Variants in HSPA12A observed in about 807,000 individuals in gnomAD.
HSPA12A encodes the protein heat shock 70 kDa protein 12A.
Under a neutral mutation model 69.2 loss-of-function variants are expected in HSPA12A, and 28 were observed. The observed-to-expected ratio is 0.40, with a 90% CI of 0.30 to 0.55. The LOEUF is 0.55. Among genes scored for constraint, HSPA12A ranks in the 20% least tolerant of loss-of-function variants. The pLI is 0.38. For missense variants in HSPA12A, 686 were observed against 900.7 expected, an observed-to-expected ratio of 0.76 and a Z score of 3.05; for synonymous variants, 345 against 370.5, an observed-to-expected ratio of 0.93 and a Z score of 0.79.
At chr10:116,707,555 A>C (rs868941161) in intron 1 of HSPA12A, among the ~76,000 whole-genome samples, 3 of 152,226 alleles carry the variant, frequency 2.0e-5, no homozygotes, top group African/African-American at 4.8e-5. Flanking sequence ...AACCCAGCTT[A>C]GTTGGAGATG....
intron 1 of HSPA12A, among the ~76,000 whole-genome samples, chr10:116,728,834 A>ACTCC (rs1851058977): frequency 6.6e-6 from 1 of 152,120 alleles, no homozygotes; most frequent in East Asian, 1.9e-4. Flanking sequence ...CATGAGTAAG[A>ACTCC]CTCCCTGATG....
At chr10:116,727,924 A>AT (rs56200126) in intron 1 of HSPA12A, among the ~76,000 whole-genome samples, 103,860 of 150,168 alleles carry the variant, frequency 0.69, 36,463 homozygotes, top group Middle Eastern at 0.87. Context: ...TGCCCGACTA[A>AT]TTTTTTTGGG....
At chr10:116,751,009 T>C (rs1271324742) in intron 2 of HSPA12A, among the ~76,000 whole-genome samples, 1 of 129,154 alleles carries the variant, frequency 7.7e-6, no homozygotes, top group Non-Finnish European at 1.6e-5. Flanking sequence ...AGGAAGAACA[T>C]GAAGAAGAAG....
At position 116,675,095 on chromosome 10, in the gene HSPA12A, T is replaced by G. The variant is rs782808781; in HGVS notation, c.1714A>C (p.Ile572Leu). 6.2e-7 allele frequency: 1 copy of G among 1,613,800 alleles called. No homozygotes were observed. The highest frequency in any genetic ancestry group is 1.3e-5 in the African/African-American group (1 of 74,860). Residue 572 changes from isoleucine (I) to leucine (L), a missense_variant, in exon 12 of 12, where the codon ATC becomes CTC. Transcript: ENST00000369209. The surrounding 1 kb of genome is among the most constrained non-coding windows in gnomAD (Gnocchi z 5.2). Reference sequence around the variant, plus strand: ...AGAGCCACAGACTGGTCGGCAGAGATGAACTTGTCAAAGACGTCGGTGCAC... The same window carrying G: ...AGAGCCACAGACTGGTCGGCAGAGAGGAACTTGTCAAAGACGTCGGTGCAC... ...RWCTDVFDKF[I>L]SADQSVALGE...
At chr10:116,763,677 C>A (rs1363075607) in intron 2 of HSPA12A, among the ~76,000 whole-genome samples, 5 of 152,144 alleles carry the variant, frequency 3.3e-5, no homozygotes, top group African/African-American at 1.2e-4. Flanking sequence ...CAGGCAGACA[C>A]AAAGGGGTCA....
intron 5 of HSPA12A, among the ~76,000 whole-genome samples, chr10:116,693,708 A>G (rs1469610453): frequency 1.3e-5 from 2 of 152,070 alleles, no homozygotes; most frequent in African/African-American, 4.8e-5. Flanking sequence ...GGTCTGGCCC[A>G]CCCTCTCTCT....
chr10:116,778,652 A>C (rs1554891417), intron 2 of HSPA12A, among the ~76,000 whole-genome samples: 1 of 152,216 alleles, frequency 6.6e-6, no homozygotes, highest in Admixed American at 6.5e-5. Context: ...TATAAATCCC[A>C]GCATGTTGGG....
At chr10:116,734,984 T>C (rs1225217193) in intron 1 of HSPA12A, among the ~76,000 whole-genome samples, 1 of 152,078 alleles carries the variant, frequency 6.6e-6, no homozygotes, top group Non-Finnish European at 1.5e-5. Flanking sequence ...AGAGCGAGAC[T>C]CCGTCTCGAA....
chr10:116,679,633 A>G lies in HSPA12A; in HGVS notation c.1156T>C (p.Phe386Leu), dbSNP rs1554878290. ...PAAWVDLMIA[F>L]ESRKRAAAPD... ...GCAGCCGCCCTTTTGCGAGACTCAA[A>G]CGCAATCATTAAGTCAACCCAGGCT... Residue 386 changes from phenylalanine (F) to leucine (L), a missense_variant, in exon 10 of 12, where the codon TTT becomes CTT. By Grantham distance (22) the Phe-to-Leu change is conservative. Coordinates refer to ENST00000369209, the MANE Select transcript of HSPA12A (RefSeq NM_025015.3). 6.2e-7 allele frequency: 1 copy of G among 1,614,206 alleles called. No individual in the cohort carries two copies. Among genetic ancestry groups the G allele is most frequent in the East Asian group, 2.2e-5 (1 of 44,878 alleles).
At chr10:116,703,218 A>G (rs1850131838) in intron 3 of HSPA12A, among the ~76,000 whole-genome samples, 1 of 152,206 alleles carries the variant, frequency 6.6e-6, no homozygotes, top group African/African-American at 2.4e-5. Flanking sequence ...TCCTGATGAC[A>G]TGACACCCAG....
intron 1 of HSPA12A, among the ~76,000 whole-genome samples, chr10:116,730,869 C>A (rs1030487972): frequency 4.6e-5 from 7 of 152,386 alleles, no homozygotes; most frequent in African/African-American, 1.4e-4. Context: ...GCCTAGGAAC[C>A]TGGCTATGAA....
intron 1 of HSPA12A, chr10:116,849,511 C>A: frequency 6.9e-7 from 1 of 1,451,352 alleles, no homozygotes; most frequent in Non-Finnish European, 9.1e-7. Context: ...CTAGCGACAG[C>A]AGGGACGCTC....
intron 2 of HSPA12A, chr10:116,830,137 T>G (rs532711825): frequency 6.6e-6 from 1 of 152,214 alleles, no homozygotes; most frequent in African/African-American, 2.4e-5. Context: ...AACACTATTC[T>G]AGCCAGGCAT....
In HSPA12A at chr10:116,802,261, C is replaced by T. The variant is rs542725177; in HGVS notation, c.91+32674G>A. On this transcript the variant is annotated intron_variant, in intron 2 of 12. Transcript: ENST00000635765. ...GACAATAATCAGTGAACATGAGCTG[C>T]CCAGGCCCGTGGACTCCTGTGCACT... is the stretch of plus-strand genomic sequence containing the variant. 3.3e-5 allele frequency among the ~76,000 whole-genome samples: 5 copies of T among 152,262 alleles called. No homozygotes were observed. In the East Asian group the frequency reaches 7.7e-4, roughly 24 times the overall value.
intron 2 of HSPA12A, among the ~76,000 whole-genome samples, chr10:116,772,314 C>T (rs1390948991): frequency 2.6e-5 from 4 of 152,072 alleles, no homozygotes; most frequent in African/African-American, 9.7e-5. Context: ...GACAGACCCC[C>T]AGAGCCCCAG....
intron 7 of HSPA12A, among the ~76,000 whole-genome samples, chr10:116,683,057 C>T (rs1444223133): frequency 2.6e-5 from 4 of 151,664 alleles, no homozygotes; most frequent in African/African-American, 9.7e-5. Flanking sequence ...GGCCCTCGTG[C>T]CTTTGAGATT....
intron 1 of HSPA12A, among the ~76,000 whole-genome samples, chr10:116,737,521 G>A (rs182006891): frequency 2.6e-5 from 4 of 152,176 alleles, no homozygotes; most frequent in Admixed American, 6.5e-5. Context: ...GATAAGGAGC[G>A]CAACCACATA....
At chr10:116,739,721 T>C (rs1428736924) in intron 1 of HSPA12A, among the ~76,000 whole-genome samples, 1 of 152,170 alleles carries the variant, frequency 6.6e-6, no homozygotes, top group Non-Finnish European at 1.5e-5. Context: ...CCCTCAAGTG[T>C]GGCCCTTCAG....
At chr10:116,702,230 C>T (rs1476034994) in intron 3 of HSPA12A, among the ~76,000 whole-genome samples, 2 of 152,132 alleles carry the variant, frequency 1.3e-5, no homozygotes, top group Non-Finnish European at 2.9e-5. Flanking sequence ...TGCAGAGAGG[C>T]CAGGGCCACC....
Sources: gnomAD v4.1 joint callset for allele counts (sites outside exome capture counted in the v4.1 genomes callset) on GRCh38, gnomAD v4.1.1 for gene constraint, Gnocchi (gnomAD v3.1) non-coding constraint, MANE v1.5 for transcripts, NCBI Gene and HGNC (gene_info 2026-07-23, HGNC 2026-07-21) for gene names.